The following TRPM8 variants were observed in gnomAD, a reference collection of about 807,000 sequenced individuals.
TRPM8 encodes TRPM8 cationic channel.
A neutral mutation model predicts 133.7 loss-of-function variants in TRPM8; 110 were observed. The ratio of observed to expected loss-of-function variants is 0.82; its 90% CI spans 0.70 to 0.96. The LOEUF is 0.96. Ranked by LOEUF, TRPM8 falls within the 40% of genes least tolerant of loss-of-function variation. TRPM8 has a pLI of 0.00. For missense variants in TRPM8, 1,291 were observed against 1,379.5 expected (o/e 0.94, Z 1.02); for synonymous variants, 535 against 532.3 (o/e 1.01, Z -0.07).
At position 233,949,979 on chromosome 2, in the gene TRPM8, C is replaced by T; in HGVS notation, c.973C>T (p.Pro325Ser). 2 of 1,614,132 alleles carry T rather than the reference C, an allele frequency of 1.2e-6. No homozygotes were observed. The highest frequency in any genetic ancestry group is 1.7e-6 in the Non-Finnish European group (2 of 1,180,034). The change falls in exon 9 of 26, where the codon CCT (proline) becomes TCT (serine). Residue 325 changes from proline (P) to serine (S), a missense_variant. Pro to Ser is a moderately conservative substitution (Grantham distance 74). This residue lies in a region of TRPM8 where 963 missense variants were observed against 968.9 expected (regional missense o/e 0.99). Coordinates refer to ENST00000324695, the MANE Select transcript of TRPM8 (RefSeq NM_024080.5). ...CAATACCTCCATCAAAAATAAAATTCCTTGTGTGGTGGTGGAAGGCTCGGG... is the reference window on the plus strand; with the variant it reads ...CAATACCTCCATCAAAAATAAAATTTCTTGTGTGGTGGTGGAAGGCTCGGG... ...AINTSIKNKI[P>S]CVVVEGSGQI... is the part of the protein sequence containing the mutation.
intron 11 of TRPM8, among the ~76,000 whole-genome samples, chr2:233,957,102 T>A (rs539252805): frequency 6.6e-6 from 1 of 152,298 alleles, no homozygotes; most frequent in South Asian, 2.1e-4. Context: ...TCCAGTGGCA[T>A]GTTAGAGCCA....
At chr2:233,998,741 G>A (rs1313586061) in intron 22 of TRPM8, among the ~76,000 whole-genome samples, 1 of 152,050 alleles carries the variant, frequency 6.6e-6, no homozygotes, top group Non-Finnish European at 1.5e-5. Flanking sequence ...GCCAGCTTGT[G>A]CCCATCCAGT....
chr2:233,935,018 A>G (rs529410882), intron 3 of TRPM8, among the ~76,000 whole-genome samples: 6 of 152,390 alleles, frequency 3.9e-5, no homozygotes, highest in Non-Finnish European at 7.3e-5. Flanking sequence ...TTCTCTGGCC[A>G]TGAACAGCTA....
intron 25 of TRPM8, among the ~76,000 whole-genome samples, chr2:234,016,604 C>T (rs532216438): frequency 4.7e-4 from 72 of 152,254 alleles, no homozygotes; most frequent in African/African-American, 1.6e-3. Flanking sequence ...TGTACCAATT[C>T]CCCCATCTCC....
chr2:233,937,239 T>C, intron 3 of TRPM8, 114 bp from the exon 4 acceptor site: 1 of 1,333,982 alleles, frequency 7.5e-7, no homozygotes, highest in Non-Finnish European at 1.0e-6. Context: ...GAAAACAGTC[T>C]GAAAATAAGA....
At chr2:233,982,279 A>G (rs541029620) in intron 19 of TRPM8, among the ~76,000 whole-genome samples, 9 of 152,340 alleles carry the variant, frequency 5.9e-5, no homozygotes, top group Non-Finnish European at 1.2e-4. Context: ...GTGTTTGTCT[A>G]GAGACAAGCA....
At chr2:233,993,053 T>C (rs1692321431) in intron 21 of TRPM8, among the ~76,000 whole-genome samples, 1 of 152,224 alleles carries the variant, frequency 6.6e-6, no homozygotes, top group Non-Finnish European at 1.5e-5. Context: ...AAGAACATTT[T>C]GGAAGCTGCT....
intron 7 of TRPM8, 199 bp downstream of exon 7, chr2:233,946,229 C>A (rs555835697): frequency 4.0e-6 from 2 of 504,950 alleles, no homozygotes; most frequent in South Asian, 3.7e-5. Context: ...TGGTATGTAC[C>A]CTTTAACATG....
intron 22 of TRPM8, among the ~76,000 whole-genome samples, chr2:233,997,584 G>T (rs1251320552): frequency 6.6e-6 from 1 of 152,100 alleles, no homozygotes; most frequent in Non-Finnish European, 1.5e-5. Flanking sequence ...GATTGTGTGG[G>T]CACTCAGGGG....
In TRPM8 at chr2:233,964,477, G is replaced by A. The variant is rs534291261; in HGVS notation, c.1750-151G>A. The A allele has an allele frequency of 6.8e-4, 369 of 538,742 alleles. 2 individuals are homozygous for A. Among genetic ancestry groups the A allele is most frequent in the African/African-American group, 6.8e-3 (336 of 49,680 alleles). The allele number at this position is 538,742 out of a possible 1,614,324, so 33.4% of individuals were successfully genotyped here. ...TGAGGCAGTAGAATCACTTGAACCC[G>A]GGAGGTGGAGGTTGCAGTGAGCCAA... On this transcript the variant is annotated intron_variant, in intron 13 of 25. Transcript: ENST00000324695.
chr2:234,013,569 A>G (rs1692890906), intron 24 of TRPM8: 1 of 151,908 alleles, frequency 6.6e-6, no homozygotes. Flanking sequence ...CAAAAAACCA[A>G]CTCTTACTTT....
At chr2:233,928,642 C>T (rs1691618826) in intron 2 of TRPM8, among the ~76,000 whole-genome samples, 1 of 152,212 alleles carries the variant, frequency 6.6e-6, no homozygotes, top group South Asian at 2.1e-4. Context: ...CAAAACTGTA[C>T]AGGTGAGCAC....
intron 1 of TRPM8, among the ~76,000 whole-genome samples, chr2:233,921,264 G>A (rs1330654887): frequency 1.3e-5 from 2 of 152,060 alleles, no homozygotes; most frequent in African/African-American, 4.8e-5. Flanking sequence ...CCGAATTTTG[G>A]AACTGTTCCA....
Position 234,006,884 on chromosome 2 carries a change from A to G in TRPM8, c.3162A>G (p.Ala1054=). Residue 1054 remains alanine, a synonymous_variant, in exon 23 of 26, where the codon GCA becomes GCG. Transcript: ENST00000324695. ...AAAATGAAGACAATGAGACTCTGGC[A>G]TGGGAGGGTGTCATGAAGGAAAACT... ...CFKNEDNETL[A]WEGVMKENYL... 6.2e-7 allele frequency: 1 copy of G among 1,613,902 alleles called. No individual in the cohort carries two copies. Among genetic ancestry groups the G allele is most frequent in the Admixed American group, 1.7e-5 (1 of 60,022 alleles).
intron 24 of TRPM8, among the ~76,000 whole-genome samples, chr2:234,010,018 G>A (rs1559552605): frequency 6.6e-6 from 1 of 152,014 alleles, no homozygotes; most frequent in Non-Finnish European, 1.5e-5. Context: ...TCTCCTCCTG[G>A]CAAATTTCGT....
intron 9 of TRPM8, among the ~76,000 whole-genome samples, chr2:233,950,831 G>C (rs372546823): frequency 2.0e-5 from 3 of 152,208 alleles, no homozygotes; most frequent in African/African-American, 7.2e-5. Context: ...GGGAAAAGCA[G>C]CACTCCCTTT....
chr2:233,944,335 G>A (rs763456805), intron 6 of TRPM8, among the ~76,000 whole-genome samples: 5 of 152,166 alleles, frequency 3.3e-5, no homozygotes, highest in Admixed American at 1.3e-4. Context: ...AATGGGCATA[G>A]GAGTCAATGT....
chr2:233,946,276 G>A, intron 7 of TRPM8: 2 of 390,230 alleles, frequency 5.1e-6, no homozygotes, highest in East Asian at 7.5e-5. Context: ...CTTCCATTGT[G>A]GTTTGTTAGT....
chr2:233,930,507 T>A (rs1559517642), intron 2 of TRPM8, among the ~76,000 whole-genome samples, 161 bp from the exon 3 acceptor site: 2 of 152,206 alleles, frequency 1.3e-5, no homozygotes, highest in African/African-American at 4.8e-5. Flanking sequence ...TTAAAAAAAA[T>A]TTTGTATACT....
Sources: gnomAD v4.1 joint callset for allele counts (sites outside exome capture counted in the v4.1 genomes callset) on GRCh38, gnomAD v4.1.1 for gene constraint, gnomAD v4.1.1 regional missense constraint, MANE v1.5 for transcripts, NCBI Gene and HGNC (gene_info 2026-07-23, HGNC 2026-07-21) for gene names.